Variants in MYH14 observed in about 807,000 individuals in gnomAD.
MYH14 encodes myosin heavy chain 14, also known as myosin-14.
Under a neutral mutation model 255.5 loss-of-function variants are expected in MYH14, and 123 were observed. That is an observed-to-expected ratio of 0.48 (90% CI 0.42 to 0.56). The LOEUF (loss-of-function observed/expected upper bound fraction) is 0.56. Among genes scored for constraint, MYH14 ranks in the 20% least tolerant of loss-of-function variants. The pLI is 0.00. For missense variants in MYH14, 2,423 were observed against 2,802.3 expected (o/e 0.86, Z 3.06); for synonymous variants, 1,095 against 1,161.2 (o/e 0.94, Z 1.16).
intron 10 of MYH14, among the ~76,000 whole-genome samples, chr19:50,239,682 T>C (rs1029250544): frequency 6.6e-6 from 1 of 152,212 alleles, no homozygotes; most frequent in South Asian, 2.1e-4. Context: ...CCAGAGTAGC[T>C]GGGACTACAG....
chr19:50,280,135 T>C lies in MYH14; in HGVS notation c.4131T>C (p.Asp1377=). 6.2e-7 allele frequency: 1 copy of C among 1,601,320 alleles called. No individual in the cohort carries two copies. The highest frequency in any genetic ancestry group is 8.5e-7 in the Non-Finnish European group (1 of 1,174,350). The change falls in exon 31 of 43, where the codon GAT becomes GAC. Residue 1377 remains aspartate (D), a synonymous_variant. Transcript: ENST00000642316. This position sits in a 1 kb window ranked among gnomAD's most constrained non-coding sequence, Gnocchi z 4.8. ...ELSSTEAQLH[D]AQELLQEETR... ...GCAGCACAGAAGCCCAGCTGCACGA[T>C]GCCCAGGTGACCCTGCCTGCCCTTC...
rs781011460 is a variant in MYH14, at chr19:50,210,891, G to A, written c.405+121G>A. 95 of 1,451,428 alleles carry A rather than the reference G, an allele frequency of 6.5e-5. No individual in the cohort carries two copies. In the Middle Eastern group the frequency reaches 6.6e-4, roughly 10 times the overall value. The allele number at this position is 1,451,428 out of a possible 1,614,324, so 89.9% of individuals were successfully genotyped here. A position where few individuals can be genotyped will look rare whatever the true frequency, so the allele number is the denominator to read the frequency against. On this transcript the variant is annotated intron_variant, in intron 2 of 42. Transcript: ENST00000642316. Reference sequence around the variant, plus strand: ...GTTTATCATCTGTATCCCATGTCCCGTGACTGTTCCTACACTTACATGGTT... The same window carrying A: ...GTTTATCATCTGTATCCCATGTCCCATGACTGTTCCTACACTTACATGGTT...
At chr19:50,272,884 CT>C (rs2035364266) in intron 27 of MYH14, among the ~76,000 whole-genome samples, 153 bp downstream of exon 27, 1 of 152,130 alleles carries the variant, frequency 6.6e-6, no homozygotes, top group Non-Finnish European at 1.5e-5. Context: ...TCAGTGTCCC[CT>C]TCTGTCAAAT....
chr19:50,211,463 G>T (rs1200690365), intron 2 of MYH14, among the ~76,000 whole-genome samples: 1 of 152,160 alleles, frequency 6.6e-6, no homozygotes, highest in Non-Finnish European at 1.5e-5. Flanking sequence ...GGCAAATGAG[G>T]CCCAGAGAGA....
chr19:50,289,113 A>C (rs1379737304), intron 34 of MYH14, among the ~76,000 whole-genome samples: 1 of 152,194 alleles, frequency 6.6e-6, no homozygotes, highest in African/African-American at 2.4e-5. Flanking sequence ...CTCACAGTGC[A>C]AAATTACAAA....
Position 50,268,314 on chromosome 19 carries a change from GAGT to G in MYH14, c.2981_2983del (p.Glu994_Cys995delinsGly). 1 of 1,588,618 alleles carries G rather than the reference GAGT, an allele frequency of 6.3e-7. No individual in the cohort carries two copies. The highest frequency in any genetic ancestry group is 1.8e-5 in the Admixed American group (1 of 56,526). Reference sequence around the variant, plus strand: ...GGAGGCTCGCGTGGGCGAGGAGGAGGAGTGCAGCCGTCAAATGCAAACCGAGAA... The same window carrying G: ...GGAGGCTCGCGTGGGCGAGGAGGAGGGCAGCCGTCAAATGCAAACCGAGAA... On this transcript the variant is annotated inframe_deletion, in exon 24 of 43. Coordinates refer to ENST00000642316, the MANE Select transcript of MYH14 (RefSeq NM_001145809.2).
intron 10 of MYH14, among the ~76,000 whole-genome samples, chr19:50,240,482 T>C (rs779710048): frequency 1.3e-5 from 2 of 152,016 alleles, no homozygotes; most frequent in African/African-American, 2.4e-5. Flanking sequence ...CAGAAGGCTG[T>C]GGTGAGAGGA....
In MYH14 at chr19:50,253,922, A is replaced by G. The variant is rs574792807; in HGVS notation, c.1945+1169A>G. Among the ~76,000 whole-genome samples, 15 of 152,352 alleles carry G rather than the reference A, an allele frequency of 9.8e-5. 1 individual carries two copies. The South Asian group carries it at 2.3e-3, about 23-fold the overall frequency. On this transcript the variant is annotated intron_variant, in intron 16 of 42. Transcript: ENST00000642316. ...ATACCAGTCCATGCAATTTGGCAAG[A>G]AAACAAAATGAGCGGCCAGGCGCGG...
In MYH14 at chr19:50,244,262, G is replaced by A; in HGVS notation, c.1135G>A (p.Ala379Thr). ...EIISMLRMVS[A>T]VLQFGNIALK... ...CCCAGCCATGCTGCGGATGGTCTCA[G>A]CAGTTCTCCAGTTTGGCAACATTGC... is the stretch of plus-strand genomic sequence containing the variant. Residue 379 changes from alanine (A) to threonine (T), a missense_variant, in exon 11 of 43, where the codon GCA (alanine) becomes ACA (threonine). By Grantham distance (58) the Ala-to-Thr change is moderately conservative. Around this residue, in one of 3 missense-constraint regions of MYH14, gnomAD observed 672 missense variants for 881.8 expected, o/e 0.76. Transcript: ENST00000642316. 1 of 1,613,930 alleles carries A rather than the reference G, an allele frequency of 6.2e-7. No homozygotes were observed. Among genetic ancestry groups the A allele is most frequent in the Non-Finnish European group, 8.5e-7 (1 of 1,179,884 alleles).
chr19:50,210,494 C>A lies in MYH14; in HGVS notation c.129C>A (p.Gly43=). The change falls in exon 2 of 43, where the codon GGC becomes GGA. Residue 43 remains glycine, a synonymous_variant. Coordinates refer to ENST00000642316, the MANE Select transcript of MYH14 (RefSeq NM_001145809.2). ...GPSAGGGPGS[G]TSPQVEWTAR... is the part of the protein sequence containing the mutation. ...GCGCGGGTGGCGGGCCTGGCTCGGGCACCTCCCCGCAGGTGGAGTGGACGG... is the reference window on the plus strand; with the variant it reads ...GCGCGGGTGGCGGGCCTGGCTCGGGAACCTCCCCGCAGGTGGAGTGGACGG... 1 of 1,558,232 alleles carries A rather than the reference C, an allele frequency of 6.4e-7. No homozygotes were observed. Among genetic ancestry groups the A allele is most frequent in the Non-Finnish European group, 8.7e-7 (1 of 1,153,402 alleles).
rs1274051645 is a variant in MYH14, at chr19:50,230,962, G to A, written c.973+339G>A. ...TCTCCTCACTCCGGCGGGTGACTCCGGCTTTGCTGAGGCTCCTCCTGGTTC... is the reference window on the plus strand; with the variant it reads ...TCTCCTCACTCCGGCGGGTGACTCCAGCTTTGCTGAGGCTCCTCCTGGTTC... On this transcript the variant is annotated intron_variant, in intron 9 of 42. Coordinates refer to ENST00000642316, the MANE Select transcript of MYH14 (RefSeq NM_001145809.2). The surrounding 1 kb of genome is among the most constrained non-coding windows in gnomAD (Gnocchi z 4.7). 9.7e-6 allele frequency: 3 copies of A among 309,640 alleles called. No homozygotes were observed. Among genetic ancestry groups the A allele is most frequent in the African/African-American group, 4.3e-5 (2 of 46,312 alleles). The allele number at this position is 309,640 out of a possible 1,614,324, so 19.2% of individuals were successfully genotyped here.
chr19:50,249,461 C>A, intron 13 of MYH14, 189 bp from the exon 14 acceptor site: 2 of 684,790 alleles, frequency 2.9e-6, no homozygotes, highest in South Asian at 3.8e-5. Context: ...GGGTCTCTGT[C>A]CCCTGTCTCT....
In MYH14 at chr19:50,280,472, C is replaced by T. The variant is rs1284207393; in HGVS notation, c.4290+89C>T. 5.9e-6 allele frequency: 8 copies of T among 1,360,836 alleles called. No homozygotes were observed. The highest frequency in any genetic ancestry group is 6.9e-6 in the Non-Finnish European group (7 of 1,019,380). 84.3% of individuals were successfully genotyped at this position (1,360,836 alleles called of 1,614,324 possible). On this transcript the variant is annotated intron_variant, in intron 32 of 42. Transcript: ENST00000642316. The surrounding 1 kb of genome is among the most constrained non-coding windows in gnomAD (Gnocchi z 4.8). ...CCCAGCTCAGGGATGGCCATGCTGC[C>T]CACCTTCTCATAGGCCAGACCCATG...
intron 1 of MYH14, among the ~76,000 whole-genome samples, chr19:50,210,083 C>T (rs1191189313): frequency 3.8e-5 from 4 of 105,200 alleles, no homozygotes; most frequent in Middle Eastern, 0.013. Flanking sequence ...GGGCAACAAG[C>T]GAGACTCCGT....
In MYH14 at chr19:50,272,615, G is replaced by A; in HGVS notation, c.3351G>A (p.Arg1117=). The A allele has an allele frequency of 2.5e-6, 4 of 1,580,330 alleles. No individual in the cohort carries two copies. The highest frequency in any genetic ancestry group is 1.3e-5 in the African/African-American group (1 of 74,504). The change falls in exon 27 of 43, where the codon AGG becomes AGA. Residue 1117 remains arginine (R), a synonymous_variant. Coordinates refer to ENST00000642316, the MANE Select transcript of MYH14 (RefSeq NM_001145809.2). ...AGGAGCTGGAGAAGCTGAAGCGGAG[G>A]CTGGATGGGGAGAGCTCAGAGCTGC... ...GRQELEKLKR[R]LDGESSELQE... is the part of the protein sequence containing the mutation.
rs977017059 is a variant in MYH14 at position 50,259,136 on chromosome 19, C to T, written c.2233-8C>T. ...GCTGACCCCCGCGTGTCCGTCCGCT[C>T]TCCCCAGGCCGGGAAGCTGGAGCCA... On this transcript the variant is annotated splice_polypyrimidine_tract_variant and splice_region_variant and intron_variant, in intron 18 of 42. Transcript: ENST00000642316. 1.1e-5 allele frequency: 17 copies of T among 1,549,012 alleles called. No individual in the cohort carries two copies. The highest frequency in any genetic ancestry group is 1.4e-5 in the African/African-American group (1 of 73,064).
chr19:50,246,425 C>T (rs11668266), intron 11 of MYH14, among the ~76,000 whole-genome samples: 4 of 152,082 alleles, frequency 2.6e-5, no homozygotes, highest in African/African-American at 4.8e-5. Context: ...GGATTACGGG[C>T]GTGAGCCACC....
At chr19:50,309,438 T>C (rs1223508882) in intron 42 of MYH14, 1 of 617,266 alleles carries the variant, frequency 1.6e-6, no homozygotes, top group African/African-American at 1.8e-5. Flanking sequence ...CCTCTCTGTG[T>C]GTCCTTCATC....
intron 3 of MYH14, among the ~76,000 whole-genome samples, chr19:50,222,864 C>G (rs1318097021): frequency 6.6e-6 from 1 of 152,130 alleles, no homozygotes; most frequent in Non-Finnish European, 1.5e-5. Flanking sequence ...GTGAGGAAAC[C>G]AAGGCTCAGA....
Sources: allele counts gnomAD v4.1 joint callset (sites outside exome capture counted in the v4.1 genomes callset), GRCh38; gene constraint gnomAD v4.1.1; regional missense constraint gnomAD v4.1.1; non-coding constraint Gnocchi (gnomAD v3.1); transcripts MANE v1.5; gene names NCBI Gene and HGNC (gene_info 2026-07-23, HGNC 2026-07-21).